The following PAX8 variants were observed in gnomAD, a reference collection of about 807,000 sequenced individuals.
PAX8 encodes the protein paired box protein Pax-8.
Under a neutral mutation model 52.4 loss-of-function variants are expected in PAX8, and 15 were observed. That is an observed-to-expected ratio of 0.29 (90% CI 0.19 to 0.44). The LOEUF is 0.44. PAX8 is among the 20% of genes least tolerant of loss of function. The pLI is 1.00. For synonymous variants in PAX8, 284 were observed against 249.7 expected, an observed-to-expected ratio of 1.14 and a Z score of -1.29; for missense variants, 554 against 602.5, an observed-to-expected ratio of 0.92 and a Z score of 0.84.
chr2:113,278,242 G>T, intron 2 of PAX8, 128 bp downstream of exon 2: 1 of 740,616 alleles, frequency 1.4e-6, no homozygotes, highest in Non-Finnish European at 2.2e-6. Context: ...AGGCGCCCCA[G>T]CTGGGTCCCC....
chr2:113,220,532 G>A (rs886510923), intron 10 of PAX8: 2 of 214,544 alleles, frequency 9.3e-6, no homozygotes, highest in Non-Finnish European at 1.9e-5. Flanking sequence ...GGAGGGTTTG[G>A]TGGAGCTGGG....
chr2:113,263,113 A>G (rs1365563573), intron 2 of PAX8, among the ~76,000 whole-genome samples: 1 of 152,218 alleles, frequency 6.6e-6, no homozygotes, highest in Non-Finnish European at 1.5e-5. Context: ...CAGTCAGTCA[A>G]GTAGAGGGTA....
intron 7 of PAX8, chr2:113,238,708 T>A (rs765127824): frequency 6.6e-5 from 10 of 152,194 alleles, no homozygotes; most frequent in Non-Finnish European, 8.8e-5. Flanking sequence ...TTAGTCTACT[T>A]GACTGCTCTG....
chr2:113,222,535 G>A (rs1422376085), intron 10 of PAX8, among the ~76,000 whole-genome samples: 2 of 152,136 alleles, frequency 1.3e-5, no homozygotes, highest in Admixed American at 6.5e-5. Context: ...CAGATGAAAC[G>A]TCTCTGCCCC....
chr2:113,232,937 C>G (rs939174594), intron 9 of PAX8, among the ~76,000 whole-genome samples: 7 of 152,032 alleles, frequency 4.6e-5, no homozygotes, highest in Admixed American at 1.3e-4. Context: ...GCCCCATGAC[C>G]GCCGCCAGCT....
chr2:113,250,683 T>C (rs1260711958), intron 2 of PAX8: 1 of 152,252 alleles, frequency 6.6e-6, no homozygotes, highest in Non-Finnish European at 1.5e-5. Context: ...AACATTCTTC[T>C]GACAATAATA....
chr2:113,269,809 C>T (rs1487661017), intron 2 of PAX8: 2 of 152,192 alleles, frequency 1.3e-5, no homozygotes, highest in African/African-American at 4.8e-5. Context: ...GCAAGTCTTC[C>T]TGCAGTCCTG....
chr2:113,277,264 C>T (rs1279617558), intron 2 of PAX8, among the ~76,000 whole-genome samples: 1 of 152,164 alleles, frequency 6.6e-6, no homozygotes, highest in Non-Finnish European at 1.5e-5. Context: ...TTCCGGCGCC[C>T]CAGGGGGTTC....
chr2:113,235,623 G>A, intron 8 of PAX8, 41 bp from the exon 9 acceptor site: 2 of 1,531,568 alleles, frequency 1.3e-6, no homozygotes, highest in Non-Finnish European at 1.8e-6. Context: ...AGGGGTGTGA[G>A]ATGGCGGGGA....
chr2:113,278,356 C>A lies in PAX8; in HGVS notation c.25+14G>T, dbSNP rs1025224944. On this transcript the variant is annotated intron_variant, in intron 2 of 11. Transcript: ENST00000429538. ...CGCGGGGGCTCGGGGATCCTGACCACACCGCGTTCTTACCAGATCTGATGG... is the reference window on the plus strand; with the variant it reads ...CGCGGGGGCTCGGGGATCCTGACCAAACCGCGTTCTTACCAGATCTGATGG... 1 of 1,591,170 alleles carries A rather than the reference C, an allele frequency of 6.3e-7. No homozygotes were observed. Among genetic ancestry groups the A allele is most frequent in the African/African-American group, 1.3e-5 (1 of 74,582 alleles).
At position 113,264,589 on chromosome 2, in the gene PAX8, T is replaced by G. The variant is rs192507346; in HGVS notation, c.25+13781A>C. Among the ~76,000 whole-genome samples the G allele has an allele frequency of 3.3e-3, 502 of 152,306 alleles. 2 individuals are homozygous for G. The highest frequency in any genetic ancestry group is 0.012 in the African/African-American group (482 of 41,562). Reference sequence around the variant, plus strand: ...AGTCCTCACTCCTTATGTAGGATTTTGTGTAAGGTGCTGGGGATAGAGAGA... The same window carrying G: ...AGTCCTCACTCCTTATGTAGGATTTGGTGTAAGGTGCTGGGGATAGAGAGA... On this transcript the variant is annotated intron_variant, in intron 2 of 11. Transcript: ENST00000429538.
chr2:113,242,128 G>A lies in PAX8; in HGVS notation c.481C>T (p.Pro161Ser), dbSNP rs1397854984. The A allele has an allele frequency of 1.2e-6, 2 of 1,611,418 alleles. No individual in the cohort carries two copies. Among genetic ancestry groups the A allele is most frequent in the Non-Finnish European group, 8.5e-7 (1 of 1,178,228 alleles). ...KSLSPGHTLI[P>S]SSAVTPPESP... Reference sequence around the variant, plus strand: ...TCCGGGGGAGTTACAGCTGAGCTGGGGACTGCAGTGGGGGAGAGGGAGAGG... The same window carrying A: ...TCCGGGGGAGTTACAGCTGAGCTGGAGACTGCAGTGGGGGAGAGGGAGAGG... Residue 161 changes from proline (P) to serine (S), a missense_variant and splice_region_variant, in exon 6 of 12, where the codon CCC becomes TCC. Around this residue, in one of 2 missense-constraint regions of PAX8, gnomAD observed 445 missense variants for 409.9 expected, o/e 1.09. Coordinates refer to ENST00000429538, the MANE Select transcript of PAX8 (RefSeq NM_003466.4).
intron 2 of PAX8, among the ~76,000 whole-genome samples, chr2:113,252,637 G>A (rs1169364765): frequency 6.6e-6 from 1 of 152,194 alleles, no homozygotes; most frequent in Non-Finnish European, 1.5e-5. Flanking sequence ...ATGACCCTTG[G>A]TTACCTCTGT....
In PAX8 at chr2:113,276,713, G is replaced by A. The variant is rs963847268; in HGVS notation, c.25+1657C>T. Reference sequence around the variant, plus strand: ...ACGGGGACATCGTCTCATTTCTTGGGCAGCGGCAGAGAGTAAGGGTCCAGC... The same window carrying A: ...ACGGGGACATCGTCTCATTTCTTGGACAGCGGCAGAGAGTAAGGGTCCAGC... On this transcript the variant is annotated intron_variant, in intron 2 of 11. Coordinates refer to ENST00000429538, the MANE Select transcript of PAX8 (RefSeq NM_003466.4). 2.0e-5 allele frequency: 3 copies of A among 151,336 alleles called. No homozygotes were observed. In the East Asian group the frequency reaches 5.8e-4, roughly 29 times the overall value. 9.4% of individuals were successfully genotyped at this position (151,336 alleles called of 1,614,324 possible). A position where few individuals can be genotyped will look rare whatever the true frequency, so the allele number is the denominator to read the frequency against.
chr2:113,235,496 A>T lies in PAX8; in HGVS notation c.985T>A (p.Phe329Ile). The T allele has an allele frequency of 6.2e-7, 1 of 1,613,888 alleles. No individual in the cohort carries two copies. Among genetic ancestry groups the T allele is most frequent in the Non-Finnish European group, 8.5e-7 (1 of 1,179,826 alleles). The stretch of plus-strand genomic sequence containing the variant: ...GAGCCGACTTGCTGCAGATCCAAAA[A>T]GGCGGAGCTAGATAAAGAGGAAGGG... ...STPSSLSSSA[F>I]LDLQQVGSGV... Residue 329 changes from phenylalanine to isoleucine, a missense_variant, in exon 9 of 12, where the codon TTT becomes ATT. Coordinates refer to ENST00000429538, the MANE Select transcript of PAX8 (RefSeq NM_003466.4).
intron 2 of PAX8, among the ~76,000 whole-genome samples, chr2:113,253,054 T>C (rs2104530717): frequency 6.6e-6 from 1 of 152,362 alleles, no homozygotes; most frequent in African/African-American, 2.4e-5. Context: ...TGAGTGGCCA[T>C]GGATGGACAG....
At position 113,242,707 on chromosome 2, in the gene PAX8, C is replaced by T; in HGVS notation, c.461G>A (p.Ser154Asn). ...GCACTCACTCAGCGTGTGTCCGGGACTCAGGGACTTGGTGGCCACGCAGCT... is the reference window on the plus strand; with the variant it reads ...GCACTCACTCAGCGTGTGTCCGGGATTCAGGGACTTGGTGGCCACGCAGCT... The part of the protein sequence containing the change: ...MDSCVATKSL[S>N]PGHTLIPSSA... The change falls in exon 5 of 12, where the codon AGT (serine) becomes AAT (asparagine). Residue 154 changes from serine (S) to asparagine (N), a missense_variant. Ser to Asn is a conservative substitution (Grantham distance 46, BLOSUM62 1). Around this residue, in one of 2 missense-constraint regions of PAX8, gnomAD observed 445 missense variants for 409.9 expected, o/e 1.09. Coordinates refer to ENST00000429538, the MANE Select transcript of PAX8 (RefSeq NM_003466.4). 1 of 1,613,418 alleles carries T rather than the reference C, an allele frequency of 6.2e-7. No homozygotes were observed. The highest frequency in any genetic ancestry group is 8.5e-7 in the Non-Finnish European group (1 of 1,179,422).
At chr2:113,278,600 G>T in intron 1 of PAX8, 131 bp from the exon 2 acceptor site, 1 of 852,564 alleles carries the variant, frequency 1.2e-6, no homozygotes, top group Non-Finnish European at 1.8e-6. Flanking sequence ...AGGCGAAGTA[G>T]GGCCAACCTC....
At chr2:113,239,866 T>G (rs1690671164) in intron 7 of PAX8, 1 of 152,234 alleles carries the variant, frequency 6.6e-6, no homozygotes, top group South Asian at 2.1e-4. Context: ...GCCCTCCTTG[T>G]CTTGCTTGGA....
Sources: gnomAD v4.1 joint callset for allele counts (sites outside exome capture counted in the v4.1 genomes callset) on GRCh38, gnomAD v4.1.1 for gene constraint, gnomAD v4.1.1 regional missense constraint, MANE v1.5 for transcripts, NCBI Gene and HGNC (gene_info 2026-07-23, HGNC 2026-07-21) for gene names.